Variants in PARG observed in about 807,000 individuals in gnomAD.
PARG encodes poly(ADP-ribose) glycohydrolase.
In PARG, 35 loss-of-function variants were observed where a neutral mutation model predicts 113.0. The ratio of observed to expected loss-of-function variants is 0.31; its 90% CI spans 0.24 to 0.41. PARG has a LOEUF of 0.41. Among genes scored for constraint, PARG ranks in the 10% least tolerant of loss-of-function variants. The pLI is 1.00. For synonymous variants in PARG, 330 were observed against 409.9 expected (o/e 0.81, Z 2.36); for missense variants, 797 against 1,169.4 (o/e 0.68, Z 4.64).
chr10:49,901,828 T>C (rs1848359957), intron 7 of PARG, among the ~76,000 whole-genome samples: 1 of 152,312 alleles, frequency 6.6e-6, no homozygotes, highest in East Asian at 1.9e-4. Context: ...GAAGTCCCTG[T>C]GAGCAGGTTT....
Position 49,850,814 on chromosome 10 carries a change from A to G in PARG, c.2353+6492T>C, listed in dbSNP as rs553333165. 9.2e-5 allele frequency among the ~76,000 whole-genome samples: 14 copies of G among 152,228 alleles called. No individual in the cohort carries two copies. The South Asian group carries it at 2.7e-3, about 29-fold the overall frequency. On this transcript the variant is annotated intron_variant, in intron 13 of 17. Coordinates refer to ENST00000616448, the MANE Select transcript of PARG (RefSeq NM_003631.5). ...TACTTCCTTCCCTCCTTCATGGGAA[A>G]TAAAAAATACACATACAAACACTTT...
chr10:49,833,026 T>C (rs1203604338), intron 15 of PARG, 118 bp from the exon 16 acceptor site: 2 of 518,842 alleles, frequency 3.9e-6, no homozygotes, highest in Non-Finnish European at 3.4e-6. Context: ...CATTTTTTTT[T>C]TCCATAGGGG....
chr10:49,940,506 T>TTTTTGTTTTG (rs1294850084), intron 1 of PARG, among the ~76,000 whole-genome samples: 2 of 147,414 alleles, frequency 1.4e-5, no homozygotes, highest in African/African-American at 5.1e-5. Context: ...TGCACTCCTG[T>TTTTTGTTTTG]TTTTGTTTTG....
At chr10:49,920,655 T>C (rs1312202170) in intron 6 of PARG, among the ~76,000 whole-genome samples, 1 of 149,388 alleles carries the variant, frequency 6.7e-6, no homozygotes, top group Non-Finnish European at 1.5e-5. Context: ...TATACGTATA[T>C]ATATGGAGTT....
At chr10:49,858,367 ACACAACTT>A (rs1846094614) in intron 12 of PARG, among the ~76,000 whole-genome samples, 1 of 139,076 alleles carries the variant, frequency 7.2e-6, no homozygotes, top group Admixed American at 6.9e-5. Context: ...ACACACACAC[ACACAACTT>A]GTGTATATAC....
At chr10:49,840,077 T>C (rs1845148645) in intron 15 of PARG, among the ~76,000 whole-genome samples, 2 of 152,202 alleles carry the variant, frequency 1.3e-5, no homozygotes, top group African/African-American at 2.4e-5. Flanking sequence ...ATTTAAAATG[T>C]ATCCAATTAC....
At chr10:49,882,847 A>T (rs1171911764) in intron 8 of PARG, among the ~76,000 whole-genome samples, 1 of 142,296 alleles carries the variant, frequency 7.0e-6, no homozygotes, top group Non-Finnish European at 1.5e-5. Context: ...ATTACAAAAC[A>T]ATGATTTGAG....
chr10:49,884,137 C>T (rs2132646348), intron 8 of PARG, among the ~76,000 whole-genome samples: 1 of 151,582 alleles, frequency 6.6e-6, no homozygotes, highest in African/African-American at 2.4e-5. Flanking sequence ...TCACCGCAAC[C>T]ACGAGAGAAA....
chr10:49,821,526 C>T (rs1844076760), intron 16 of PARG, among the ~76,000 whole-genome samples: 2 of 152,064 alleles, frequency 1.3e-5, no homozygotes, highest in Admixed American at 1.3e-4. Context: ...ATTACAGGAG[C>T]CTGCCACCAT....
intron 3 of PARG, among the ~76,000 whole-genome samples, 175 bp downstream of exon 3, chr10:49,933,001 GT>G (rs1455894436): frequency 1.1e-4 from 17 of 152,112 alleles, no homozygotes; most frequent in Admixed American, 5.9e-4. Flanking sequence ...CTTGTTTTCT[GT>G]TTCTAGCCTT....
At chr10:49,869,608 A>T in intron 9 of PARG, 53 bp from the exon 10 acceptor site, 2 of 728,538 alleles carry the variant, frequency 2.7e-6, no homozygotes, top group South Asian at 3.0e-5. Context: ...TGCCTTAATG[A>T]TTCACAAAAC....
chr10:49,852,106 C>T (rs1329624555), intron 13 of PARG, among the ~76,000 whole-genome samples: 7 of 152,218 alleles, frequency 4.6e-5, no homozygotes, highest in East Asian at 1.9e-4. Flanking sequence ...CGGAATTGAT[C>T]AGGCAGATAG....
In PARG at chr10:49,842,033, C is replaced by T; in HGVS notation, c.2458G>A (p.Glu820Lys). The change falls in exon 15 of 18, where the codon GAG becomes AAG. Residue 820 changes from glutamate to lysine, a missense_variant. Around this residue, in one of 5 missense-constraint regions of PARG, gnomAD observed 194 missense variants for 247.1 expected, o/e 0.79. Transcript: ENST00000616448. ...TGAAGAGCATCGATGGCAACGATCTCAGTGCAGCGCCGCTGCCAGTCGTCC... is the reference window on the plus strand; with the variant it reads ...TGAAGAGCATCGATGGCAACGATCTTAGTGCAGCGCCGCTGCCAGTCGTCC... Reference protein sequence around the residue: ...ERDDWQRRCTEIVAIDALHFR... With the variant: ...ERDDWQRRCTKIVAIDALHFR... The T allele has an allele frequency of 1.3e-6, 2 of 1,550,234 alleles. No homozygotes were observed. Among genetic ancestry groups the T allele is most frequent in the African/African-American group, 1.4e-5 (1 of 73,174 alleles).
At chr10:49,869,291 G>C (rs541062353) in intron 10 of PARG, among the ~76,000 whole-genome samples, 185 bp downstream of exon 10, 22 of 152,274 alleles carry the variant, frequency 1.4e-4, no homozygotes, top group African/African-American at 5.3e-4. Flanking sequence ...CCTACATTTA[G>C]CACACGTTTA....
chr10:49,941,776 A>T lies in PARG; in HGVS notation c.-51T>A. ...CGGGCCGGCCCGGGCGGAGAGCCTC[A>T]TTCACTAACCCTGAGAGAGATGGAC... On this transcript the variant is annotated 5_prime_UTR_variant, in exon 1 of 18. An upstream start codon of the reference 5' UTR is lost. Coordinates refer to ENST00000616448, the MANE Select transcript of PARG (RefSeq NM_003631.5). 6.5e-7 allele frequency: 1 copy of T among 1,540,740 alleles called. No homozygotes were observed.
intron 14 of PARG, 39 bp from the exon 15 acceptor site, chr10:49,842,097 G>A: frequency 7.3e-7 from 1 of 1,364,836 alleles, no homozygotes; most frequent in Non-Finnish European, 1.0e-6. Flanking sequence ...ATAAGGAACA[G>A]GTAGTCGCTC....
At chr10:49,880,013 T>C (rs2132625984) in intron 8 of PARG, among the ~76,000 whole-genome samples, 183 bp from the exon 9 acceptor site, 1 of 150,684 alleles carries the variant, frequency 6.6e-6, no homozygotes, top group African/African-American at 2.4e-5. Context: ...ATTCAGAAAA[T>C]GCACTTATTT....
At position 49,819,443 on chromosome 10, in the gene PARG, C is replaced by T. The variant is rs572818694; in HGVS notation, c.2828G>A (p.Cys943Tyr). The T allele has an allele frequency of 4.5e-6, 7 of 1,551,314 alleles. No individual in the cohort carries two copies. Among genetic ancestry groups the T allele is most frequent in the South Asian group, 2.4e-5 (2 of 84,046 alleles). ...LRYYNEECRN[C>Y]STPGPDIKLY... ...CTTGATGTCTGGTCCAGGGGTGGAA[C>T]AGTTTCTGCATTCTTCATTGTAGTA... The change falls in exon 18 of 18, where the codon TGT (cysteine) becomes TAT (tyrosine). Residue 943 changes from cysteine to tyrosine, a missense_variant. Physicochemically the swap from Cys to Tyr is radical, Grantham distance 194. Around this residue, in one of 5 missense-constraint regions of PARG, gnomAD observed 194 missense variants for 247.1 expected, o/e 0.79. Coordinates refer to ENST00000616448, the MANE Select transcript of PARG (RefSeq NM_003631.5).
rs1554909970 is a variant in PARG at position 49,932,147 on chromosome 10, G to C, written c.1408C>G (p.Arg470Gly). 6.2e-7 allele frequency: 1 copy of C among 1,606,198 alleles called. No homozygotes were observed. The highest frequency in any genetic ancestry group is 8.5e-7 in the Non-Finnish European group (1 of 1,172,950). The change falls in exon 4 of 18, where the codon CGG (arginine) becomes GGG (glycine). Residue 470 changes from arginine (R) to glycine (G), a missense_variant. Physicochemically the swap from Arg to Gly is moderately radical, Grantham distance 125. Coordinates refer to ENST00000616448, the MANE Select transcript of PARG (RefSeq NM_003631.5). ...GCAGATGGTCTCAAGAGAGGCAGCC[G>C]GATCCCACACCGAGGCATTCTTCTC... ...EMRRMPRCGI[R>G]LPLLRPSANH... is the part of the protein sequence containing the mutation.
Sources: gnomAD v4.1 joint callset for allele counts (sites outside exome capture counted in the v4.1 genomes callset) on GRCh38, gnomAD v4.1.1 for gene constraint, gnomAD v4.1.1 regional missense constraint, MANE v1.5 for transcripts, NCBI Gene and HGNC (gene_info 2026-07-23, HGNC 2026-07-21) for gene names.